Variants in NEK10 observed in about 807,000 individuals in gnomAD.
The protein encoded by NEK10 is NIMA related kinase 10, also known as serine/threonine-protein kinase Nek10.
A neutral mutation model predicts 159.8 loss-of-function variants in NEK10; 122 were observed. That is an observed-to-expected ratio of 0.76 (90% CI 0.66 to 0.89). The LOEUF (loss-of-function observed/expected upper bound fraction) is 0.89. Among genes scored for constraint, NEK10 ranks in the 40% least tolerant of loss-of-function variants. The pLI is 0.00. For synonymous variants in NEK10, 466 were observed against 457.1 expected (o/e 1.02, Z -0.25); for missense variants, 1,342 against 1,323.1 (o/e 1.01, Z -0.22).
At chr3:27,266,009 G>A (rs898265269) in intron 22 of NEK10, among the ~76,000 whole-genome samples, 3 of 151,922 alleles carry the variant, frequency 2.0e-5, no homozygotes, top group African/African-American at 2.4e-5. Flanking sequence ...GGGTTTCACA[G>A]TGTTAGCCAG....
Position 27,109,169 on chromosome 3 carries a change from A to G in NEK10, c.*2103T>C, listed in dbSNP as rs905586067. The stretch of plus-strand genomic sequence containing the variant: ...CGAGGCAGGCAGATCACCTGAGGTC[A>G]GGAGTTTGAGACCAGCCTGGCCAAC... On this transcript the variant is annotated 3_prime_UTR_variant, in exon 36 of 36. Transcript: ENST00000691995. Among the ~76,000 whole-genome samples the G allele has an allele frequency of 1.3e-5, 2 of 152,156 alleles. No homozygotes were observed. Among genetic ancestry groups the G allele is most frequent in the African/African-American group, 4.8e-5 (2 of 41,434 alleles).
chr3:27,214,868 A>C, intron 23 of NEK10: 1 of 1,228,608 alleles, frequency 8.1e-7, no homozygotes, highest in African/African-American at 1.5e-5. Flanking sequence ...GGAGTAAGCC[A>C]TTCCTAATCC....
chr3:27,197,660 G>A (rs114617649), intron 25 of NEK10, among the ~76,000 whole-genome samples: 1 of 152,256 alleles, frequency 6.6e-6, no homozygotes, highest in African/African-American at 2.4e-5. Context: ...AGCTTAAGGA[G>A]TTTTTGAGCC....
chr3:27,312,853 CA>C, intron 7 of NEK10, among the ~76,000 whole-genome samples: 1 of 152,168 alleles, frequency 6.6e-6, no homozygotes, highest in East Asian at 1.9e-4. Flanking sequence ...AAAAAATAAA[CA>C]TGAATCAATT....
At chr3:27,310,899 A>C in intron 9 of NEK10, 50 bp downstream of exon 9, 3 of 1,156,096 alleles carry the variant, frequency 2.6e-6, no homozygotes, top group Non-Finnish European at 3.9e-6. Context: ...CCCTAATGTG[A>C]ACTATTGCCA....
chr3:27,358,947 G>T (rs563781967), intron 1 of NEK10, among the ~76,000 whole-genome samples: 1 of 152,290 alleles, frequency 6.6e-6, no homozygotes, highest in South Asian at 2.1e-4. Context: ...GCTTATGCCT[G>T]TAATCCCAAC....
chr3:27,173,489 G>T (rs1199947103), intron 28 of NEK10, among the ~76,000 whole-genome samples: 1 of 152,192 alleles, frequency 6.6e-6, no homozygotes, highest in African/African-American at 2.4e-5. Flanking sequence ...GGGATCTACG[G>T]AGAAAATAGG....
Position 27,301,749 on chromosome 3 carries a change from G to T in NEK10, c.1115C>A (p.Ser372Ter). The change falls in exon 13 of 36, where the codon TCA (serine) becomes TAA (stop). Residue 372 changes from serine to a stop codon, truncating the protein, a stop_gained. Coordinates refer to ENST00000691995, the MANE Select transcript of NEK10 (RefSeq NM_001394966.1). LOFTEE classifies it high-confidence loss of function. ...TATTTCCCTAGGGCTCAAGTCTTCT[G>T]ATAAATGAAGCTGCTGGATTCGGCC... ...AAGRIQQLHL[S>*]EDLSPREIQE... is the part of the protein sequence containing the mutation. 1 of 1,575,854 alleles carries T rather than the reference G, an allele frequency of 6.3e-7. No homozygotes were observed. The highest frequency in any genetic ancestry group is 8.6e-7 in the Non-Finnish European group (1 of 1,158,498).
rs1553627492 is a variant in NEK10, at chr3:27,305,628, A to AAAT, written c.804-660_804-658dup. 2.2e-3 allele frequency among the ~76,000 whole-genome samples: 329 copies of AAAT among 149,030 alleles called. 2 individuals carry two copies. Among genetic ancestry groups the AAAT allele is most frequent in the African/African-American group, 5.3e-3 (214 of 40,596 alleles). On this transcript the variant is annotated intron_variant, in intron 11 of 35. Transcript: ENST00000691995. ...GTGCTAAAGACTAAAAAAAAAAAAA[A>AAAT]AATAATAATAATAAAAGCCTTATTC... is the stretch of plus-strand genomic sequence containing the variant.
At chr3:27,144,913 G>C (rs1465399001) in intron 30 of NEK10, among the ~76,000 whole-genome samples, 1 of 151,920 alleles carries the variant, frequency 6.6e-6, no homozygotes, top group Non-Finnish European at 1.5e-5. Flanking sequence ...GTAGAGACAG[G>C]GTTTCACCAC....
intron 24 of NEK10, 50 bp downstream of exon 24, chr3:27,202,378 A>G: frequency 6.5e-7 from 1 of 1,535,976 alleles, no homozygotes; most frequent in Non-Finnish European, 8.8e-7. Context: ...TAAGAAAAAG[A>G]ATTGCATTTT....
intron 22 of NEK10, among the ~76,000 whole-genome samples, chr3:27,269,917 C>T (rs575730749): frequency 6.6e-6 from 1 of 152,286 alleles, no homozygotes; most frequent in East Asian, 1.9e-4. Flanking sequence ...ACAGCAAAAT[C>T]CTATTGTTTC....
At chr3:27,282,410 A>T (rs1378359774) in intron 22 of NEK10, among the ~76,000 whole-genome samples, 1 of 151,740 alleles carries the variant, frequency 6.6e-6, no homozygotes, top group Non-Finnish European at 1.5e-5. Flanking sequence ...TAATGAAAGG[A>T]AATGATTACA....
intron 30 of NEK10, among the ~76,000 whole-genome samples, chr3:27,159,213 A>C (rs1945780946): frequency 6.6e-6 from 1 of 152,206 alleles, no homozygotes; most frequent in South Asian, 2.1e-4. Context: ...CTCAAATATT[A>C]GGTAATGTTC....
chr3:27,163,661 G>GT (rs1946229840), intron 29 of NEK10, among the ~76,000 whole-genome samples: 1 of 151,992 alleles, frequency 6.6e-6, no homozygotes, highest in Non-Finnish European at 1.5e-5. Flanking sequence ...CTAGAACCAA[G>GT]TTTTTAATAG....
chr3:27,353,193 TAATC>T (rs1334602134), intron 1 of NEK10, among the ~76,000 whole-genome samples: 2 of 152,198 alleles, frequency 1.3e-5, no homozygotes, highest in Non-Finnish European at 2.9e-5. Context: ...TTATTTTTCT[TAATC>T]AATTTCTAAT....
chr3:27,153,682 T>C (rs985325281), intron 30 of NEK10, among the ~76,000 whole-genome samples: 2 of 152,106 alleles, frequency 1.3e-5, no homozygotes, highest in Admixed American at 1.3e-4. Context: ...TACATGGAAA[T>C]TAAATAACCT....
chr3:27,141,706 G>T (rs2125581007), intron 30 of NEK10, 124 bp from the exon 31 acceptor site: 1 of 637,270 alleles, frequency 1.6e-6, no homozygotes, highest in Non-Finnish European at 2.8e-6. Flanking sequence ...GAGACAATAT[G>T]CAGAGACCCT....
chr3:27,202,511 A>C lies in NEK10; in HGVS notation c.2137T>G (p.Trp713Gly). The change falls in exon 24 of 36, where the codon TGG becomes GGG. Residue 713 changes from tryptophan (W) to glycine (G), a missense_variant. By Grantham distance (184) the Trp-to-Gly change is radical (BLOSUM62 -2). Transcript: ENST00000691995. ...SEPYGEKADV[W>G]AVGCILYQMA... The stretch of plus-strand genomic sequence containing the variant: ...TGATAAAGGATGCAGCCTACTGCCC[A>C]GACATCAGCCTTCTCCCCATACGGC... 6.2e-7 allele frequency: 1 copy of C among 1,613,082 alleles called. No individual in the cohort carries two copies. Among genetic ancestry groups the C allele is most frequent in the Non-Finnish European group, 8.5e-7 (1 of 1,179,448 alleles).
Sources: allele counts gnomAD v4.1 joint callset (sites outside exome capture counted in the v4.1 genomes callset), GRCh38; gene constraint gnomAD v4.1.1; transcripts MANE v1.5; gene names NCBI Gene and HGNC (gene_info 2026-07-23, HGNC 2026-07-21).